PLEKHH2: variants seen among roughly 807,000 people sequenced by gnomAD.
PLEKHH2 encodes pleckstrin homology, MyTH4 and FERM domain containing H2.
Under a neutral mutation model 187.9 loss-of-function variants are expected in PLEKHH2, and 129 were observed. The observed-to-expected ratio is 0.69, with a 90% CI of 0.59 to 0.79. The LOEUF (loss-of-function observed/expected upper bound fraction) is 0.79. Among genes scored for constraint, PLEKHH2 ranks in the 30% least tolerant of loss-of-function variants. The pLI, the probability that PLEKHH2 is intolerant of heterozygous loss-of-function variation, is 0.00. For synonymous variants in PLEKHH2, 686 were observed against 605.6 expected, an observed-to-expected ratio of 1.13 and a Z score of -1.95; for missense variants, 2,076 against 1,751.2, an observed-to-expected ratio of 1.19 and a Z score of -3.31.
intron 8 of PLEKHH2, among the ~76,000 whole-genome samples, chr2:43,703,127 G>C (rs1208861275): frequency 2.6e-5 from 4 of 152,172 alleles, no homozygotes; most frequent in Non-Finnish European, 5.9e-5. Flanking sequence ...CATGCCAGTT[G>C]CCTCTCAAGC....
intron 18 of PLEKHH2, among the ~76,000 whole-genome samples, chr2:43,731,006 T>C (rs1671009150): frequency 1.3e-5 from 2 of 152,174 alleles, no homozygotes; most frequent in South Asian, 4.1e-4. Context: ...TATTGCAGCC[T>C]AGTAAATTAG....
At chr2:43,704,428 G>A (rs1402048271) in intron 9 of PLEKHH2, among the ~76,000 whole-genome samples, 1 of 152,094 alleles carries the variant, frequency 6.6e-6, no homozygotes, top group African/African-American at 2.4e-5. Flanking sequence ...TTGGGAGGCT[G>A]AGGCAGACAG....
intron 27 of PLEKHH2, among the ~76,000 whole-genome samples, chr2:43,761,649 G>A (rs1466578588): frequency 2.0e-5 from 3 of 151,954 alleles, no homozygotes; most frequent in Non-Finnish European, 2.9e-5. Context: ...GGCCTCAGAT[G>A]ATCCACCCAC....
At position 43,746,924 on chromosome 2, in the gene PLEKHH2, C is replaced by T. The variant is rs1383798756; in HGVS notation, c.3653+961C>T. On this transcript the variant is annotated intron_variant, in intron 24 of 29. Transcript: ENST00000282406. ...GGCGGAGCTTGCAGTGAGCCAAGATCGCACCACTGCACTCCAGCCTGGACG... is the reference window on the plus strand; with the variant it reads ...GGCGGAGCTTGCAGTGAGCCAAGATTGCACCACTGCACTCCAGCCTGGACG... Among the ~76,000 whole-genome samples, 9 of 151,540 alleles carry T rather than the reference C, an allele frequency of 5.9e-5. No individual in the cohort carries two copies. In the South Asian group the frequency reaches 1.5e-3, roughly 25 times the overall value.
In PLEKHH2 at chr2:43,712,221, C is replaced by T. The variant is rs905201077; in HGVS notation, c.2302-4C>T. On this transcript the variant is annotated splice_region_variant and splice_polypyrimidine_tract_variant and intron_variant, in intron 14 of 29. Coordinates refer to ENST00000282406, the MANE Select transcript of PLEKHH2 (RefSeq NM_172069.4). ...TTTCCTATACCTTTCTCGTTGCATTCTAGTTGACCACTGAAAAACACACAT... is the reference window on the plus strand; with the variant it reads ...TTTCCTATACCTTTCTCGTTGCATTTTAGTTGACCACTGAAAAACACACAT... 6.2e-7 allele frequency: 1 copy of T among 1,611,586 alleles called. No individual in the cohort carries two copies. The highest frequency in any genetic ancestry group is 8.5e-7 in the Non-Finnish European group (1 of 1,177,740).
intron 15 of PLEKHH2, among the ~76,000 whole-genome samples, chr2:43,719,106 C>T (rs1023727963): frequency 6.6e-6 from 1 of 152,172 alleles, no homozygotes; most frequent in Admixed American, 6.5e-5. Context: ...AGCCTCTGCA[C>T]TCTTGATGAA....
intron 2 of PLEKHH2, among the ~76,000 whole-genome samples, chr2:43,651,207 A>T (rs1200929512): frequency 6.6e-6 from 1 of 151,908 alleles, no homozygotes; most frequent in Non-Finnish European, 1.5e-5. Flanking sequence ...AGTTTCTGTT[A>T]TGTGTATTCA....
At chr2:43,644,876 T>C in intron 2 of PLEKHH2, 80 bp downstream of exon 2, 3 of 1,367,006 alleles carry the variant, frequency 2.2e-6, no homozygotes, top group Non-Finnish European at 2.9e-6. Flanking sequence ...ATCTCAGTAC[T>C]TTGGGGGTTT....
At chr2:43,711,616 G>A in intron 14 of PLEKHH2, 8 of 966,234 alleles carry the variant, frequency 8.3e-6, no homozygotes, top group Non-Finnish European at 9.8e-6. Flanking sequence ...ACCTGGCCGG[G>A]CGCGGTGGCT....
chr2:43,671,362 T>A (rs1276585624), intron 2 of PLEKHH2, among the ~76,000 whole-genome samples: 2 of 152,198 alleles, frequency 1.3e-5, no homozygotes, highest in East Asian at 3.8e-4. Context: ...ATAAACTCAT[T>A]TATTAGTTCT....
At chr2:43,681,181 C>T (rs1187129562) in intron 3 of PLEKHH2, 4 of 686,236 alleles carry the variant, frequency 5.8e-6, no homozygotes, top group South Asian at 1.8e-5. Flanking sequence ...TTTGGTCCAC[C>T]ACTATTCCTC....
intron 2 of PLEKHH2, among the ~76,000 whole-genome samples, chr2:43,676,758 A>G (rs1033339106): frequency 3.3e-5 from 5 of 152,026 alleles, no homozygotes; most frequent in Admixed American, 2.0e-4. Flanking sequence ...TCCTTATAAT[A>G]TTCGTTTTAG....
At position 43,644,329 on chromosome 2, in the gene PLEKHH2, A is replaced by G. The variant is rs186063412; in HGVS notation, c.-3-342A>G. On this transcript the variant is annotated intron_variant, in intron 1 of 29. Transcript: ENST00000282406. ...TTATACTGTCTGTTCTACTAGAAAT[A>G]GCAGTATTTCATTTGTCCCTCACTA... Among the ~76,000 whole-genome samples, 449 of 152,274 alleles carry G rather than the reference A, an allele frequency of 2.9e-3. 2 individuals are homozygous for G. Among genetic ancestry groups the G allele is most frequent in the Non-Finnish European group, 4.7e-3 (317 of 67,976 alleles).
chr2:43,708,620 G>T (rs1174257283), intron 11 of PLEKHH2, among the ~76,000 whole-genome samples: 1 of 152,158 alleles, frequency 6.6e-6, no homozygotes, highest in Non-Finnish European at 1.5e-5. Context: ...CTGCCTGTTT[G>T]TCAGTGGTCT....
At chr2:43,756,200 G>A (rs925639647) in intron 25 of PLEKHH2, among the ~76,000 whole-genome samples, 1 of 152,040 alleles carries the variant, frequency 6.6e-6, no homozygotes, top group African/African-American at 2.4e-5. Context: ...ATAACATGGA[G>A]AAAATCTAGG....
Position 43,699,939 on chromosome 2 carries a change from A to G in PLEKHH2, c.981A>G (p.Thr327=). The G allele has an allele frequency of 6.2e-7, 1 of 1,614,206 alleles. No individual in the cohort carries two copies. The highest frequency in any genetic ancestry group is 1.1e-5 in the South Asian group (1 of 91,082). Reference sequence around the variant, plus strand: ...GGATGGGAAGTGAAATGTATCTGACAGCATCTGATGACAGCAGCTCTATAT... The same window carrying G: ...GGATGGGAAGTGAAATGTATCTGACGGCATCTGATGACAGCAGCTCTATAT... ...CSRMGSEMYL[T]ASDDSSSIFE... is the part of the protein sequence containing the mutation. Residue 327 remains threonine (T), a synonymous_variant, in exon 8 of 30, where the codon ACA becomes ACG. Transcript: ENST00000282406.
In PLEKHH2 at chr2:43,743,887, C is replaced by A; in HGVS notation, c.3453C>A (p.Asn1151Lys). 6.2e-7 allele frequency: 1 copy of A among 1,614,028 alleles called. No homozygotes were observed. Among genetic ancestry groups the A allele is most frequent in the Non-Finnish European group, 8.5e-7 (1 of 1,179,952 alleles). The change falls in exon 23 of 30, where the codon AAC (asparagine) becomes AAA (lysine). Residue 1151 changes from asparagine (N) to lysine (K), a missense_variant. Asn to Lys is a moderately conservative substitution (Grantham distance 94). Coordinates refer to ENST00000282406, the MANE Select transcript of PLEKHH2 (RefSeq NM_172069.4). ...TGGAAGAATTTTTGAATACTTTGAA[C>A]CAGGACACAGGAATGAGGAAACCAG... ...TTVEEFLNTL[N>K]QDTGMRKPAQ...
At chr2:43,716,827 C>G (rs1028765211) in intron 15 of PLEKHH2, among the ~76,000 whole-genome samples, 8 of 151,994 alleles carry the variant, frequency 5.3e-5, no homozygotes, top group African/African-American at 1.9e-4. Flanking sequence ...ATAATGAGCC[C>G]TCATATATTC....
intron 1 of PLEKHH2, among the ~76,000 whole-genome samples, chr2:43,642,747 A>G (rs546351150): frequency 6.6e-6 from 1 of 152,184 alleles, no homozygotes; most frequent in African/African-American, 2.4e-5. Flanking sequence ...TTCTTTTCAC[A>G]TGGTGCATTA....
Sources: gnomAD v4.1 joint callset for allele counts (sites outside exome capture counted in the v4.1 genomes callset) on GRCh38, gnomAD v4.1.1 for gene constraint, MANE v1.5 for transcripts, NCBI Gene and HGNC (gene_info 2026-07-23, HGNC 2026-07-21) for gene names.